NCR1: variants seen among roughly 807,000 people sequenced by gnomAD.
NCR1 encodes NK cell-activating receptor.
Under a neutral mutation model 32.5 loss-of-function variants are expected in NCR1, and 30 were observed. That is an observed-to-expected ratio of 0.92 (90% confidence interval 0.69 to 1.25). The LOEUF (loss-of-function observed/expected upper bound fraction) is 1.25. NCR1 is among the 50% of genes most tolerant of loss of function. The pLI, the probability that NCR1 is intolerant of heterozygous loss-of-function variation, is 0.00. For missense variants in NCR1, 369 were observed against 380.7 expected (o/e 0.97, Z 0.26); for synonymous variants, 169 against 143.4 (o/e 1.18, Z -1.28).
upstream of NCR1, among the ~76,000 whole-genome samples, chr19:54,903,954 G>A (rs1382640907): frequency 1.3e-5 from 2 of 150,972 alleles, no homozygotes; most frequent in African/African-American, 2.4e-5. Flanking sequence ...GGTAAAAACC[G>A]GTCTCTACTA....
chr19:54,924,517 G>C, the NCR1 span, among the ~76,000 whole-genome samples: 2 of 152,098 alleles, frequency 1.3e-5, no homozygotes, highest in African/African-American at 4.8e-5. Context: ...CCAGCTACTC[G>C]GGAGGCGGAG....
chr19:54,918,224 A>G (rs149583367), downstream of NCR1, among the ~76,000 whole-genome samples: 7,070 of 151,380 alleles, frequency 0.047, 258 homozygotes, highest in Middle Eastern at 0.15. Flanking sequence ...AAGCCACCGC[A>G]CCCGGCCTTA....
the NCR1 span, chr19:54,927,847 T>C: frequency 1.3e-4 from 177 of 1,385,958 alleles, no homozygotes; most frequent in Admixed American, 2.5e-4. Context: ...ATCCCAACAC[T>C]TCGGGAGGCC....
chr19:54,931,620 G>A, the NCR1 span, among the ~76,000 whole-genome samples: 7 of 151,858 alleles, frequency 4.6e-5, no homozygotes, highest in African/African-American at 1.5e-4. Flanking sequence ...CTGGGGAGAC[G>A]GAGGTTGTGG....
chr19:54,916,855 G>A (rs892277964), downstream of NCR1, among the ~76,000 whole-genome samples: 21 of 150,060 alleles, frequency 1.4e-4, no homozygotes, highest in Non-Finnish European at 2.2e-4. Flanking sequence ...CTGAGCCACC[G>A]CGCCCAGCCA....
chr19:54,924,553 G>A, the NCR1 span, among the ~76,000 whole-genome samples: 5 of 152,190 alleles, frequency 3.3e-5, no homozygotes, highest in Admixed American at 6.6e-5. Context: ...GAGCCCAGGA[G>A]GCGGAGGTTG....
the NCR1 span, chr19:54,927,913 C>A: frequency 1.3e-6 from 1 of 757,812 alleles, no homozygotes; most frequent in South Asian, 1.4e-5. Flanking sequence ...CCAACACGGT[C>A]AAACCCCATC....
At chr19:54,933,739 C>T in the NCR1 span, 1 of 1,613,688 alleles carries the variant, frequency 6.2e-7, no homozygotes, top group African/African-American at 1.3e-5. Flanking sequence ...AGTTTTCCAA[C>T]CTGCAAAAAT....
At chr19:54,934,680 G>C in the NCR1 span, 4 of 1,604,484 alleles carry the variant, frequency 2.5e-6, no homozygotes, top group Non-Finnish European at 8.5e-7. The surrounding 1 kb of genome is among the most constrained non-coding windows in gnomAD (Gnocchi z 6.7). Context: ...AGTGGGAAAA[G>C]TCATTCTTCT....
At chr19:54,920,084 CTT>C (rs1324147072), downstream of NCR1, among the ~76,000 whole-genome samples, 1 of 152,080 alleles carries the variant, frequency 6.6e-6, no homozygotes, top group East Asian at 1.9e-4. Context: ...TATAACAATT[CTT>C]GTTTTATATT....
chr19:54,923,750 A>C, the NCR1 span: 1 of 1,613,112 alleles, frequency 6.2e-7, no homozygotes, highest in Non-Finnish European at 8.5e-7. Context: ...TCAGCAAAAA[A>C]AGTCACAGCA....
chr19:54,922,406 G>C, the NCR1 span, among the ~76,000 whole-genome samples: 1 of 152,180 alleles, frequency 6.6e-6, no homozygotes, highest in Non-Finnish European at 1.5e-5. Context: ...GCAATGGGAA[G>C]CCGAGAGAAA....
chr19:54,906,882 C>T, intron 3 of NCR1, 75 bp downstream of exon 3: 2 of 1,526,340 alleles, frequency 1.3e-6, no homozygotes, highest in Non-Finnish European at 1.8e-6. Context: ...TGAACTCTTC[C>T]AAGCCCCACT....
At chr19:54,931,937 C>T in the NCR1 span, among the ~76,000 whole-genome samples, 1 of 152,012 alleles carries the variant, frequency 6.6e-6, no homozygotes, top group Non-Finnish European at 1.5e-5. Flanking sequence ...TTCAGACCGA[C>T]CCAGGACAGG....
At chr19:54,934,664 G>C in the NCR1 span, 1 of 1,611,236 alleles carries the variant, frequency 6.2e-7, no homozygotes, top group Non-Finnish European at 8.5e-7. This position sits in a 1 kb window ranked among gnomAD's most constrained non-coding sequence, Gnocchi z 6.7. Flanking sequence ...CCCAACCTGT[G>C]AAAAGAGTGG....
chr19:54,908,928 A>G (rs1163161185), intron 3 of NCR1, among the ~76,000 whole-genome samples: 1 of 150,682 alleles, frequency 6.6e-6, no homozygotes, highest in Non-Finnish European at 1.5e-5. Flanking sequence ...ACAGAGCAAG[A>G]CCCTGTATCA....
intron 3 of NCR1, among the ~76,000 whole-genome samples, chr19:54,907,935 ACCTT>A (rs1381529456): frequency 1.5e-4 from 23 of 149,492 alleles, no homozygotes; most frequent in Admixed American, 2.7e-4. Flanking sequence ...GGGTCTTTGG[ACCTT>A]GTTTGGAGGT....
At chr19:54,930,410 C>T in the NCR1 span, 14 of 892,122 alleles carry the variant, frequency 1.6e-5, no homozygotes, top group African/African-American at 9.8e-5. Context: ...CGCAGTGAGC[C>T]GTAATCACCC....
downstream of NCR1, among the ~76,000 whole-genome samples, chr19:54,918,576 T>A (rs1173968852): frequency 4.6e-5 from 7 of 151,862 alleles, no homozygotes; most frequent in East Asian, 1.4e-3. Flanking sequence ...ACTGGCCTAA[T>A]GTGTAGTTTT....
Sources: gnomAD v4.1 joint callset for allele counts (sites outside exome capture counted in the v4.1 genomes callset) on GRCh38, gnomAD v4.1.1 for gene constraint, Gnocchi (gnomAD v3.1) non-coding constraint, MANE v1.5 for transcripts, NCBI Gene and HGNC (gene_info 2026-07-23, HGNC 2026-07-21) for gene names.